ZC3H12B: variants seen among roughly 807,000 people sequenced by gnomAD.
ZC3H12B encodes zinc finger CCCH-type containing 12B.
In ZC3H12B, 7 loss-of-function variants were observed where a neutral mutation model predicts 43.9. That is an observed-to-expected ratio of 0.16 (90% CI 0.09 to 0.30). ZC3H12B has a LOEUF of 0.30. ZC3H12B is among the 10% of genes least tolerant of loss of function. ZC3H12B has a pLI of 1.00. For missense variants in ZC3H12B, 475 were observed against 670.2 expected (o/e 0.71, Z 3.22); for synonymous variants, 222 against 241.7 (o/e 0.92, Z 0.76).
At chrX:65,391,969 GT>G (rs1345917783) in intron 2 of ZC3H12B, among the ~76,000 whole-genome samples, 1 of 111,866 alleles carries the variant, frequency 8.9e-6, no homozygotes, top group Non-Finnish European at 1.9e-5. Context: ...GTTTTGCCAT[GT>G]TGGCCAGGCT....
chrX:65,235,149 G>T, the ZC3H12B span, among the ~76,000 whole-genome samples: 1 of 111,669 alleles, frequency 9.0e-6, no homozygotes, highest in Non-Finnish European at 1.9e-5. Context: ...GTGCTGCAAT[G>T]AACATATGCA....
exon 5 of ZC3H12B, chrX:65,505,084 TTTA>T (rs768801926): frequency 1.4e-4 from 16 of 112,054 alleles, no homozygotes; most frequent in Non-Finnish European, 2.3e-4. Context: ...AGAAGAGGTG[TTTA>T]TTGTTTTTTT....
intron 2 of ZC3H12B, among the ~76,000 whole-genome samples, chrX:65,383,898 G>A (rs1469663406): frequency 9.7e-6 from 1 of 102,965 alleles, no homozygotes; most frequent in East Asian, 3.1e-4. Context: ...TGGAGAAATA[G>A]GAACACTTTT....
the ZC3H12B span, among the ~76,000 whole-genome samples, chrX:65,243,492 G>T: frequency 7.9e-4 from 89 of 112,151 alleles, 2 homozygotes; most frequent in Admixed American, 8.4e-3. Flanking sequence ...AGGATGCAGA[G>T]AAATGGGGAA....
chrX:65,188,578 C>T, the ZC3H12B span, among the ~76,000 whole-genome samples: 1 of 110,661 alleles, frequency 9.0e-6, no homozygotes, highest in African/African-American at 3.3e-5. Context: ...TGATATTCAG[C>T]ACCTTTTCAT....
chrX:65,134,888 G>A, the ZC3H12B span, among the ~76,000 whole-genome samples: 1 of 111,233 alleles, frequency 9.0e-6, no homozygotes, highest in Non-Finnish European at 1.9e-5. Context: ...CAAAGGGGTT[G>A]TTCTCTGGCA....
At position 65,474,642 on chromosome X, in the gene ZC3H12B, G is replaced by A. The variant is rs373355706; in HGVS notation, n.408-14004G>A. 1.8e-3 allele frequency among the ~76,000 whole-genome samples: 198 copies of A among 108,619 alleles called. 3 individuals are homozygous for A. Among genetic ancestry groups the A allele is most frequent in the African/African-American group, 5.4e-3 (162 of 29,773 alleles). The allele number at this position is 108,619 out of a possible 115,157, so 94.3% of individuals were successfully genotyped here. On this transcript the variant is annotated intron_variant and non_coding_transcript_variant, in intron 3 of 5. Transcript: ENST00000617377. ...TTTTTTTTTTCTGAGACAGAGTCTC[G>A]CTGTGTTGCTCAGGCTGGAGTGCAG...
At chrX:65,421,426 A>G (rs1386621852) in intron 3 of ZC3H12B, among the ~76,000 whole-genome samples, 2 of 112,123 alleles carry the variant, frequency 1.8e-5, no homozygotes, top group Admixed American at 1.9e-4. Flanking sequence ...TCAGTACAGC[A>G]TTATTTATCG....
At chrX:65,357,096 G>T in the ZC3H12B span, 2 of 524,559 alleles carry the variant, frequency 3.8e-6, no homozygotes, top group Non-Finnish European at 7.0e-6. Context: ...CCCACCACAA[G>T]CTCCAAAGGC....
chrX:65,218,405 T>G, the ZC3H12B span, among the ~76,000 whole-genome samples: 1 of 112,038 alleles, frequency 8.9e-6, no homozygotes, highest in Admixed American at 9.5e-5. Flanking sequence ...CTAGGAGGCT[T>G]GTAGCCTGGT....
the ZC3H12B span, among the ~76,000 whole-genome samples, chrX:65,115,169 T>C: frequency 9.2e-6 from 1 of 108,513 alleles, no homozygotes; most frequent in Non-Finnish European, 1.9e-5. Flanking sequence ...CCGGGTAAAC[T>C]GTACCCAATG....
At chrX:65,255,183 G>T in the ZC3H12B span, among the ~76,000 whole-genome samples, 2 of 111,243 alleles carry the variant, frequency 1.8e-5, no homozygotes, top group Non-Finnish European at 3.8e-5. Flanking sequence ...CACTAAAGAG[G>T]CCAACATTGG....
At chrX:65,449,200 A>G (rs1294190933) in intron 3 of ZC3H12B, among the ~76,000 whole-genome samples, 1 of 111,101 alleles carries the variant, frequency 9.0e-6, no homozygotes, top group Non-Finnish European at 1.9e-5. Context: ...ATAATGGATG[A>G]TAAGCTTAAT....
the ZC3H12B span, among the ~76,000 whole-genome samples, chrX:65,158,800 G>A: frequency 9.0e-6 from 1 of 111,582 alleles, no homozygotes; most frequent in African/African-American, 3.3e-5. Flanking sequence ...GTCAATTTTG[G>A]CTTTTGTTGC....
the ZC3H12B span, among the ~76,000 whole-genome samples, chrX:65,348,070 C>T: frequency 9.1e-6 from 1 of 109,324 alleles, no homozygotes; most frequent in Non-Finnish European, 1.9e-5. Context: ...ATATCACACA[C>T]CGGGGCCTGT....
rs751954128 is a variant in ZC3H12B at position 65,489,315 on chromosome X, G to A, written c.514G>A (p.Glu172Lys). 5.8e-6 allele frequency: 7 copies of A among 1,211,550 alleles called. No homozygotes were observed. In the South Asian group the frequency reaches 1.2e-4, roughly 21 times the overall value. ...AGTGCCTCGTGGGCCCAGCTCCAGA[G>A]AGATTGCAAGCCCTGAATTGTCTCT... is the stretch of plus-strand genomic sequence containing the variant. Residue 172 changes from glutamate to lysine, a missense_variant, in exon 1 of 5, where the codon GAG becomes AAG. By Grantham distance (56) the Glu-to-Lys change is moderately conservative. Transcript: ENST00000338957.
chrX:65,448,604 G>T (rs1203393065), intron 3 of ZC3H12B, among the ~76,000 whole-genome samples: 1 of 111,085 alleles, frequency 9.0e-6, no homozygotes, highest in Admixed American at 9.6e-5. Flanking sequence ...ATCGCCTGAG[G>T]TCAGGATTTT....
At chrX:65,352,936 C>A in the ZC3H12B span, among the ~76,000 whole-genome samples, 1 of 111,435 alleles carries the variant, frequency 9.0e-6, no homozygotes, top group African/African-American at 3.3e-5. Context: ...CAGCCTTGAC[C>A]TCCTAGGCTC....
chrX:65,213,488 T>G, the ZC3H12B span, among the ~76,000 whole-genome samples: 1 of 110,825 alleles, frequency 9.0e-6, no homozygotes, highest in African/African-American at 3.3e-5. Flanking sequence ...GATTTCAGAT[T>G]TTGAGGATTT....
Sources: allele counts gnomAD v4.1 joint callset (sites outside exome capture counted in the v4.1 genomes callset), GRCh38; gene constraint gnomAD v4.1.1; transcripts MANE v1.5; gene names NCBI Gene and HGNC (gene_info 2026-07-23, HGNC 2026-07-21).